ADAM12: variants seen among roughly 807,000 people sequenced by gnomAD.
ADAM12 encodes the protein disintegrin and metalloproteinase domain-containing protein 12.
A neutral mutation model predicts 106.4 loss-of-function variants in ADAM12; 70 were observed. The observed-to-expected ratio is 0.66, with a 90% CI of 0.54 to 0.80. The LOEUF (loss-of-function observed/expected upper bound fraction) is 0.80. Among genes scored for constraint, ADAM12 ranks in the 30% least tolerant of loss-of-function variants. The pLI is 0.00. For synonymous variants in ADAM12, 420 were observed against 433.5 expected, an observed-to-expected ratio of 0.97 and a Z score of 0.39; for missense variants, 1,010 against 1,171.9, an observed-to-expected ratio of 0.86 and a Z score of 2.02.
chr10:126,104,129 C>T (rs1045012932), intron 8 of ADAM12, among the ~76,000 whole-genome samples: 5 of 152,148 alleles, frequency 3.3e-5, no homozygotes, highest in Admixed American at 1.3e-4. Flanking sequence ...AGAAAACTGT[C>T]ACATGAGTGA....
At chr10:126,149,008 C>T (rs1870510) in intron 4 of ADAM12, among the ~76,000 whole-genome samples, 27,059 of 152,174 alleles carry the variant, frequency 0.18, 2,458 homozygotes, top group Middle Eastern at 0.21. Context: ...AGCCACTCCC[C>T]AGTTAGCAGG....
At chr10:126,149,741 G>C (rs1956696335) in intron 4 of ADAM12, among the ~76,000 whole-genome samples, 1 of 151,842 alleles carries the variant, frequency 6.6e-6, no homozygotes, top group Non-Finnish European at 1.5e-5. Context: ...TTGGACTCTT[G>C]GACCTACACC....
intron 10 of ADAM12, among the ~76,000 whole-genome samples, chr10:126,098,016 C>T (rs977522865): frequency 5.9e-5 from 9 of 152,198 alleles, no homozygotes; most frequent in Non-Finnish European, 1.2e-4. Flanking sequence ...GGCTTGGAGA[C>T]AGAACCATCA....
rs1953602396 is a variant in ADAM12 at position 126,013,392 on chromosome 10, G to A, written c.*3887C>T. On this transcript the variant is annotated 3_prime_UTR_variant, in exon 23 of 23. Coordinates refer to ENST00000448723, the MANE Select transcript of ADAM12 (RefSeq NM_001288973.2). The surrounding 1 kb of genome is among the most constrained non-coding windows in gnomAD (Gnocchi z 4.3). ...GATGTCAATAGGAACTTTAAGGTGA[G>A]TCAAGAGAATTTTGTAATTATAGAT... 6.6e-6 allele frequency: 1 copy of A among 152,228 alleles called. No homozygotes were observed. The allele number at this position is 152,228 out of a possible 1,614,324, so 9.4% of individuals were successfully genotyped here.
chr10:126,193,901 A>C (rs1728571508), intron 3 of ADAM12, among the ~76,000 whole-genome samples: 1 of 140,386 alleles, frequency 7.1e-6, no homozygotes, highest in African/African-American at 3.0e-5. Context: ...CATGAAATAA[A>C]ATGAAATAAA....
intron 11 of ADAM12, chr10:126,090,601 T>C (rs1955445380): frequency 6.6e-6 from 1 of 152,186 alleles, no homozygotes; most frequent in African/African-American, 2.4e-5. Flanking sequence ...AGGTCTTAAA[T>C]GTTTAGAGAC....
chr10:126,160,822 A>T (rs1343450418), intron 3 of ADAM12, among the ~76,000 whole-genome samples: 1 of 152,192 alleles, frequency 6.6e-6, no homozygotes, highest in Admixed American at 6.5e-5. Flanking sequence ...CCTCTAGCTC[A>T]TGCTACTCTA....
chr10:126,151,794 T>C (rs1444928468), intron 4 of ADAM12, among the ~76,000 whole-genome samples: 2 of 151,918 alleles, frequency 1.3e-5, no homozygotes, highest in Non-Finnish European at 2.9e-5. Flanking sequence ...CTTGATCCAG[T>C]GTTAATAATT....
intron 8 of ADAM12, among the ~76,000 whole-genome samples, chr10:126,103,133 A>C (rs1329306817): frequency 2.0e-5 from 3 of 152,176 alleles, no homozygotes; most frequent in Non-Finnish European, 4.4e-5. Flanking sequence ...CTGCTTCCTC[A>C]TCAAGGAGCT....
At chr10:126,071,280 T>G (rs151210985) in intron 12 of ADAM12, among the ~76,000 whole-genome samples, 197 bp downstream of exon 12, 28 of 152,326 alleles carry the variant, frequency 1.8e-4, no homozygotes, top group South Asian at 6.2e-4. Context: ...AATGAAGTGA[T>G]CACTTATTCC....
At chr10:126,277,019 C>T (rs1306530753) in intron 3 of ADAM12, among the ~76,000 whole-genome samples, 11 of 151,992 alleles carry the variant, frequency 7.2e-5, no homozygotes. Flanking sequence ...AAATGTGTGT[C>T]CATTATGAAG....
chr10:126,227,615 GC>G (rs1958223201), intron 3 of ADAM12, among the ~76,000 whole-genome samples: 1 of 152,172 alleles, frequency 6.6e-6, no homozygotes, highest in Admixed American at 6.5e-5. Flanking sequence ...TATCCCCAGT[GC>G]TTTGCAGGCA....
At chr10:126,216,121 A>C (rs1184271253) in intron 3 of ADAM12, among the ~76,000 whole-genome samples, 1 of 152,186 alleles carries the variant, frequency 6.6e-6, no homozygotes, top group Non-Finnish European at 1.5e-5. Flanking sequence ...AAACAGTCTG[A>C]GAGATTACAG....
At chr10:126,029,483 C>T (rs889688558) in intron 21 of ADAM12, among the ~76,000 whole-genome samples, 1 of 152,102 alleles carries the variant, frequency 6.6e-6, no homozygotes, top group Non-Finnish European at 1.5e-5. Context: ...CAAACTAATG[C>T]AGGAACAGAA....
At chr10:126,246,654 C>T (rs186703306) in intron 3 of ADAM12, among the ~76,000 whole-genome samples, 17 of 152,276 alleles carry the variant, frequency 1.1e-4, no homozygotes, top group South Asian at 6.2e-4. Context: ...TTTCAAAAGA[C>T]GCAGAAAAGG....
intron 3 of ADAM12, among the ~76,000 whole-genome samples, chr10:126,206,340 G>A (rs777817228): frequency 1.1e-4 from 17 of 152,170 alleles, no homozygotes; most frequent in Non-Finnish European, 2.2e-4. Context: ...AACGATAGAC[G>A]ATTAAAGTAT....
intron 3 of ADAM12, among the ~76,000 whole-genome samples, chr10:126,221,081 G>A (rs895699787): frequency 2.0e-5 from 3 of 152,218 alleles, no homozygotes; most frequent in African/African-American, 4.8e-5. Context: ...AAATGTATGA[G>A]GTAGATTTAG....
intron 3 of ADAM12, among the ~76,000 whole-genome samples, chr10:126,186,472 C>G (rs1957401023): frequency 6.6e-6 from 1 of 152,198 alleles, no homozygotes; most frequent in Admixed American, 6.5e-5. Flanking sequence ...GGAGCAGCAT[C>G]TGAGTCCCAG....
At chr10:126,355,700 A>C (rs1272170633) in intron 1 of ADAM12, among the ~76,000 whole-genome samples, 1 of 152,186 alleles carries the variant, frequency 6.6e-6, no homozygotes, top group Non-Finnish European at 1.5e-5. Context: ...GATGCTTCCC[A>C]GGAAGCCCAC....
Sources: gnomAD v4.1 joint callset for allele counts (sites outside exome capture counted in the v4.1 genomes callset) on GRCh38, gnomAD v4.1.1 for gene constraint, Gnocchi (gnomAD v3.1) non-coding constraint, MANE v1.5 for transcripts, NCBI Gene and HGNC (gene_info 2026-07-23, HGNC 2026-07-21) for gene names.